XRCC5: variants seen among roughly 807,000 people sequenced by gnomAD.
The protein encoded by XRCC5 is DNA repair protein Ku80.
Under a neutral mutation model 95.7 loss-of-function variants are expected in XRCC5, and 12 were observed. That is an observed-to-expected ratio of 0.13 (90% CI 0.08 to 0.20). XRCC5 has a LOEUF of 0.20. Among genes scored for constraint, XRCC5 ranks in the 10% least tolerant of loss-of-function variants. The pLI is 1.00. For synonymous variants in XRCC5, 281 were observed against 290.3 expected, an observed-to-expected ratio of 0.97 and a Z score of 0.33; for missense variants, 595 against 873.9, an observed-to-expected ratio of 0.68 and a Z score of 4.02.
intron 6 of XRCC5, among the ~76,000 whole-genome samples, chr2:216,123,628 A>G (rs1696855139): frequency 1.3e-5 from 2 of 152,190 alleles, no homozygotes; most frequent in Admixed American, 6.5e-5. Flanking sequence ...CAGCGTGGCG[A>G]AACCCCGTCT....
At chr2:216,164,353 G>A (rs1272387874) in intron 16 of XRCC5, among the ~76,000 whole-genome samples, 1 of 152,206 alleles carries the variant, frequency 6.6e-6, no homozygotes, top group Non-Finnish European at 1.5e-5. Flanking sequence ...CCATTATATG[G>A]TAGCCACTAG....
chr2:216,167,724 C>T (rs41301738), intron 16 of XRCC5, among the ~76,000 whole-genome samples: 2,544 of 151,962 alleles, frequency 0.017, 71 homozygotes, highest in African/African-American at 0.059. Context: ...TTCTACACAG[C>T]GCTGGTAAAT....
intron 19 of XRCC5, 75 bp downstream of exon 19, chr2:216,195,061 T>G: frequency 7.2e-7 from 1 of 1,392,390 alleles, no homozygotes. Context: ...CTCGAAGAAG[T>G]TAAATTTTAT....
intron 16 of XRCC5, among the ~76,000 whole-genome samples, chr2:216,173,529 A>G (rs1447583354): frequency 6.6e-6 from 1 of 152,226 alleles, no homozygotes; most frequent in African/African-American, 2.4e-5. Context: ...TGTTAAATCA[A>G]CCTTGCATTC....
chr2:216,141,007 C>A (rs527800978), intron 12 of XRCC5, among the ~76,000 whole-genome samples, 179 bp from the exon 13 acceptor site: 1 of 152,256 alleles, frequency 6.6e-6, no homozygotes, highest in East Asian at 1.9e-4. Flanking sequence ...CTAAATCGAT[C>A]TTTTCATGGA....
chr2:216,124,254 A>G (rs1696870002), intron 6 of XRCC5, among the ~76,000 whole-genome samples: 2 of 152,078 alleles, frequency 1.3e-5, no homozygotes, highest in Admixed American at 1.3e-4. Context: ...AGTTGTTCTT[A>G]GATTTTTTTT....
At chr2:216,190,180 C>T (rs375893673) in intron 16 of XRCC5, 45 bp from the exon 17 acceptor site, 2 of 1,532,870 alleles carry the variant, frequency 1.3e-6, no homozygotes, top group Non-Finnish European at 1.8e-6. Context: ...TACCCTCTCT[C>T]AGGCATCACT....
chr2:216,155,641 G>A (rs1397584534), intron 14 of XRCC5, among the ~76,000 whole-genome samples: 2 of 152,126 alleles, frequency 1.3e-5, no homozygotes, highest in Non-Finnish European at 2.9e-5. Flanking sequence ...GGATTATGCT[G>A]CAAGTAACAG....
At chr2:216,144,931 A>G (rs1688594243) in intron 13 of XRCC5, among the ~76,000 whole-genome samples, 1 of 152,236 alleles carries the variant, frequency 6.6e-6, no homozygotes, top group African/African-American at 2.4e-5. Flanking sequence ...TCCTACCTCC[A>G]TACCCCAATA....
chr2:216,153,846 C>T (rs1225957289), intron 14 of XRCC5, among the ~76,000 whole-genome samples: 2 of 152,150 alleles, frequency 1.3e-5, no homozygotes, highest in African/African-American at 4.8e-5. Context: ...ATCTTCAGCT[C>T]GGATTTCTAT....
At chr2:216,114,484 G>A (rs1407985660) in intron 2 of XRCC5, among the ~76,000 whole-genome samples, 1 of 152,116 alleles carries the variant, frequency 6.6e-6, no homozygotes, top group Non-Finnish European at 1.5e-5. Context: ...TGCTGTTAGA[G>A]AAGGTAAGTA....
chr2:216,112,572 A>G (rs1169111289), intron 1 of XRCC5, among the ~76,000 whole-genome samples: 1 of 152,264 alleles, frequency 6.6e-6, no homozygotes, highest in Non-Finnish European at 1.5e-5. Context: ...TTCTTGTGAC[A>G]AAAATGCTTC....
chr2:216,137,016 TA>T (rs1216739143), intron 10 of XRCC5, 71 bp from the exon 11 acceptor site: 1 of 1,525,036 alleles, frequency 6.6e-7, no homozygotes, highest in Non-Finnish European at 8.8e-7. Flanking sequence ...ATAACAGTCT[TA>T]AAGTATTGAG....
intron 12 of XRCC5, among the ~76,000 whole-genome samples, chr2:216,140,879 A>T (rs1343266833): frequency 6.6e-6 from 1 of 152,288 alleles, no homozygotes; most frequent in African/African-American, 2.4e-5. Context: ...GTCTCCTTAT[A>T]GGGATTGGTT....
At chr2:216,133,339 T>C (rs1011959673) in intron 10 of XRCC5, among the ~76,000 whole-genome samples, 1 of 152,192 alleles carries the variant, frequency 6.6e-6, no homozygotes, top group Admixed American at 6.5e-5. Flanking sequence ...AGCTGAAGTT[T>C]TATTTTGTTT....
At chr2:216,184,188 C>T (rs1214819302) in intron 16 of XRCC5, among the ~76,000 whole-genome samples, 1 of 152,038 alleles carries the variant, frequency 6.6e-6, no homozygotes, top group African/African-American at 2.4e-5. Context: ...CATCCAGTAC[C>T]TGTTGTTTAT....
At chr2:216,110,886 G>A (rs1420454228) in intron 1 of XRCC5, among the ~76,000 whole-genome samples, 1 of 148,976 alleles carries the variant, frequency 6.7e-6, no homozygotes, top group Non-Finnish European at 1.5e-5. Flanking sequence ...TGGTTTATTA[G>A]CACGTTTTTT....
chr2:216,156,694 A>G (rs1384210957), intron 14 of XRCC5: 5 of 541,464 alleles, frequency 9.2e-6, no homozygotes, highest in African/African-American at 3.8e-5. Flanking sequence ...ACCACCTTCC[A>G]TGATTTGTAC....
chr2:216,122,247 C>A lies in XRCC5; in HGVS notation c.677C>A (p.Ser226Ter). 1 of 1,607,434 alleles carries A rather than the reference C, an allele frequency of 6.2e-7. No individual in the cohort carries two copies. Among genetic ancestry groups the A allele is most frequent in the South Asian group, 1.1e-5 (1 of 90,794 alleles). Residue 226 changes from serine to a stop codon, truncating the protein, a stop_gained, in exon 6 of 21, where the codon TCA becomes TAA. Transcript: ENST00000392132. LOFTEE classifies it high-confidence loss of function. ...GAAGATGGGTTGGATGAAATTTATT[C>A]ATTCAGGTAAGAATTGAAAACATTG... ...EGEDGLDEIYSFSESLRKLCV... is the reference protein window; with the variant it reads ...EGEDGLDEIY
Sources: allele counts gnomAD v4.1 joint callset (sites outside exome capture counted in the v4.1 genomes callset), GRCh38; gene constraint gnomAD v4.1.1; transcripts MANE v1.5; gene names NCBI Gene and HGNC (gene_info 2026-07-23, HGNC 2026-07-21).